The following TMEM108 variants were observed in gnomAD, a reference collection of about 807,000 sequenced individuals.
TMEM108 encodes the protein cancer/testis antigen 124.
Under a neutral mutation model 35.1 loss-of-function variants are expected in TMEM108, and 12 were observed. The ratio of observed to expected loss-of-function variants is 0.34; its 90% confidence interval spans 0.22 to 0.55. The LOEUF is 0.55. TMEM108 is among the 20% of genes least tolerant of loss of function. TMEM108 has a pLI of 0.89. For synonymous variants in TMEM108, 287 were observed against 308.6 expected, an observed-to-expected ratio of 0.93 and a Z score of 0.73; for missense variants, 680 against 753.3, an observed-to-expected ratio of 0.90 and a Z score of 1.14.
At chr3:133,252,147 T>C (rs1946480686) in intron 3 of TMEM108, among the ~76,000 whole-genome samples, 1 of 152,114 alleles carries the variant, frequency 6.6e-6, no homozygotes, top group South Asian at 2.1e-4. Flanking sequence ...GATAGACTCA[T>C]GGGGGTAAAT....
At chr3:133,124,647 C>T (rs1374347286) in intron 2 of TMEM108, among the ~76,000 whole-genome samples, 1 of 152,210 alleles carries the variant, frequency 6.6e-6, no homozygotes, top group African/African-American at 2.4e-5. Context: ...GACAAAAAGC[C>T]AACCCCTTTT....
At chr3:133,357,035 T>C (rs1213511520) in intron 3 of TMEM108, among the ~76,000 whole-genome samples, 1 of 152,060 alleles carries the variant, frequency 6.6e-6, no homozygotes, top group Non-Finnish European at 1.5e-5. Flanking sequence ...TTGCAAACTG[T>C]GCATCCAACA....
At chr3:133,264,793 G>C (rs1946674162) in intron 3 of TMEM108, among the ~76,000 whole-genome samples, 1 of 152,138 alleles carries the variant, frequency 6.6e-6, no homozygotes, top group Non-Finnish European at 1.5e-5. Context: ...TACCCTATAG[G>C]CTTACTGAAG....
At chr3:133,311,617 C>CT (rs1213098175) in intron 3 of TMEM108, among the ~76,000 whole-genome samples, 1 of 152,140 alleles carries the variant, frequency 6.6e-6, no homozygotes, top group Non-Finnish European at 1.5e-5. Flanking sequence ...TTCATCTAAC[C>CT]TTTTTTCAAC....
chr3:133,384,930 G>A (rs1338263042), intron 4 of TMEM108, among the ~76,000 whole-genome samples: 1 of 152,224 alleles, frequency 6.6e-6, no homozygotes, highest in East Asian at 1.9e-4. Flanking sequence ...CCTGGCCAAA[G>A]TGGAGTAGCC....
At chr3:133,131,160 G>A (rs1211667280) in intron 2 of TMEM108, among the ~76,000 whole-genome samples, 1 of 152,156 alleles carries the variant, frequency 6.6e-6, no homozygotes, top group African/African-American at 2.4e-5. Context: ...ACTAAAAAGG[G>A]AAGGCAATTG....
At chr3:133,067,295 G>C (rs951415182) in intron 2 of TMEM108, among the ~76,000 whole-genome samples, 1 of 152,104 alleles carries the variant, frequency 6.6e-6, no homozygotes, top group Non-Finnish European at 1.5e-5. Context: ...ACTTGGCATT[G>C]TGTGGCTTTT....
chr3:133,149,088 A>C (rs1325343232), intron 2 of TMEM108, among the ~76,000 whole-genome samples: 1 of 152,164 alleles, frequency 6.6e-6, no homozygotes, highest in South Asian at 2.1e-4. Flanking sequence ...GTCAAGCTGG[A>C]CTTCACTACC....
rs371888339 is a variant in TMEM108 at position 133,388,956 on chromosome 3, G to A, written c.1451-1224G>A. ...TCTGGACAGCCCAGCCTGGGACCCC[G>A]ACTCCCCAGCACAGAGATGGTTGGC... On this transcript the variant is annotated intron_variant, in intron 4 of 5. Coordinates refer to ENST00000321871, the MANE Select transcript of TMEM108 (RefSeq NM_023943.4). 1.0e-5 allele frequency: 10 copies of A among 985,546 alleles called. No homozygotes were observed. In the South Asian group the frequency reaches 1.4e-4, roughly 14 times the overall value. The allele number at this position is 985,546 out of a possible 1,614,324, so 61.1% of individuals were successfully genotyped here.
intron 2 of TMEM108, chr3:133,119,497 A>G (rs540328547): frequency 6.6e-6 from 1 of 152,310 alleles, no homozygotes; most frequent in Admixed American, 6.5e-5. Context: ...AGTTTTTAAT[A>G]ATTTCTCCAG....
Position 133,396,043 on chromosome 3 carries a change from C to G in TMEM108, c.*57C>G. 1 of 1,211,760 alleles carries G rather than the reference C, an allele frequency of 8.3e-7. No individual in the cohort carries two copies. The highest frequency in any genetic ancestry group is 1.1e-6 in the Non-Finnish European group (1 of 942,826). 75.1% of individuals were successfully genotyped at this position (1,211,760 alleles called of 1,614,324 possible). Reference sequence around the variant, plus strand: ...TTTTCGTCTCTAAATTATAAATATACAAATACATATATTATAAATATAACC... The same window carrying G: ...TTTTCGTCTCTAAATTATAAATATAGAAATACATATATTATAAATATAACC... On this transcript the variant is annotated 3_prime_UTR_variant, in exon 6 of 6. Transcript: ENST00000321871.
chr3:133,175,239 T>C (rs1411633673), intron 2 of TMEM108, among the ~76,000 whole-genome samples: 1 of 152,180 alleles, frequency 6.6e-6, no homozygotes, highest in Non-Finnish European at 1.5e-5. Context: ...GGAACCAAGT[T>C]GGAAAACACT....
chr3:133,292,754 C>G (rs550217016), intron 3 of TMEM108, among the ~76,000 whole-genome samples: 1 of 152,164 alleles, frequency 6.6e-6, no homozygotes, highest in African/African-American at 2.4e-5. Flanking sequence ...CCACAACTCC[C>G]CTGCTGTAAA....
At chr3:133,382,694 G>T (rs1228101333) in intron 4 of TMEM108, among the ~76,000 whole-genome samples, 1 of 152,238 alleles carries the variant, frequency 6.6e-6, no homozygotes, top group Non-Finnish European at 1.5e-5. Context: ...TTCCCTCAGG[G>T]AAGGCTGCTG....
intron 3 of TMEM108, among the ~76,000 whole-genome samples, chr3:133,305,277 C>T (rs946935952): frequency 2.7e-5 from 4 of 148,474 alleles, no homozygotes; most frequent in Non-Finnish European, 3.0e-5. Context: ...AAAAACCAAA[C>T]ACCACATATT....
Position 133,235,703 on chromosome 3 carries a change from C to T in TMEM108, c.40+6352C>T, listed in dbSNP as rs543118297. On this transcript the variant is annotated intron_variant, in intron 3 of 5. Transcript: ENST00000321871. ...AACATAAGGACAATCTAACCAGGAG[C>T]TCTGCTCTAACTAACATTTGTGTGG... Among the ~76,000 whole-genome samples the T allele has an allele frequency of 3.3e-5, 5 of 152,244 alleles. No individual in the cohort carries two copies. In the South Asian group the frequency reaches 1.0e-3, roughly 32 times the overall value.
chr3:133,094,221 A>ACCCCACCCCCCCCC (rs1943983547), intron 2 of TMEM108, among the ~76,000 whole-genome samples: 9 of 34,336 alleles, frequency 2.6e-4, no homozygotes, highest in South Asian at 1.4e-3. Context: ...CCCACCTCCC[A>ACCCCACCCCCCCCC]CCCCACCCCC....
intron 2 of TMEM108, among the ~76,000 whole-genome samples, chr3:133,122,862 C>A (rs1254357604): frequency 6.8e-3 from 710 of 103,834 alleles, no homozygotes; most frequent in African/African-American, 9.9e-3. Context: ...GACTCCATCT[C>A]AAAAAAAAAA....
chr3:133,080,734 A>G (rs565278002), intron 2 of TMEM108, among the ~76,000 whole-genome samples: 4 of 152,358 alleles, frequency 2.6e-5, no homozygotes, highest in East Asian at 1.9e-4. Flanking sequence ...TGTAAAGTGT[A>G]TATCTAGAGG....
Sources: gnomAD v4.1 joint callset for allele counts (sites outside exome capture counted in the v4.1 genomes callset) on GRCh38, gnomAD v4.1.1 for gene constraint, MANE v1.5 for transcripts, NCBI Gene and HGNC (gene_info 2026-07-23, HGNC 2026-07-21) for gene names.